Variants in MAPK10 observed in about 807,000 individuals in gnomAD.
MAPK10 encodes JNK3 alpha protein kinase.
MAPK10 carries 25 observed loss-of-function variants against 59.3 expected under a neutral mutation model. The observed-to-expected ratio is 0.42, with a 90% confidence interval of 0.31 to 0.59. The LOEUF (loss-of-function observed/expected upper bound fraction) is 0.59. Among genes scored for constraint, MAPK10 ranks in the 20% least tolerant of loss-of-function variants. The pLI, the probability that MAPK10 is intolerant of heterozygous loss-of-function variation, is 0.15. For synonymous variants in MAPK10, 190 were observed against 200.5 expected, an observed-to-expected ratio of 0.95 and a Z score of 0.44; for missense variants, 351 against 568.9, an observed-to-expected ratio of 0.62 and a Z score of 3.90.
chr4:86,263,007 C>T (rs1050699251), intron 2 of MAPK10, among the ~76,000 whole-genome samples: 4 of 152,176 alleles, frequency 2.6e-5, no homozygotes, highest in African/African-American at 4.8e-5. Context: ...GAAGTATTTA[C>T]TCCTCCAGCT....
chr4:86,285,594 T>C (rs2148809933), intron 2 of MAPK10, among the ~76,000 whole-genome samples: 1 of 152,292 alleles, frequency 6.6e-6, no homozygotes, highest in Non-Finnish European at 1.5e-5. Context: ...AGAGCAATTA[T>C]ATGAGTGTAG....
rs141330111 is a variant in MAPK10 at position 86,272,545 on chromosome 4, G to T, written c.-6-78138C>A. ...CATACATTTATACTCAGTTTTAAGT[G>T]AAAGATTTTTGCCGAGAAACATAAA... On this transcript the variant is annotated intron_variant, in intron 2 of 13. Transcript: ENST00000641462. Among the ~76,000 whole-genome samples, 885 of 152,016 alleles carry T rather than the reference G, an allele frequency of 5.8e-3. 7 individuals carry two copies. The highest frequency in any genetic ancestry group is 0.02 in the African/African-American group (833 of 41,490).
chr4:86,249,433 T>C (rs1025656696), intron 2 of MAPK10, among the ~76,000 whole-genome samples: 3 of 152,132 alleles, frequency 2.0e-5, no homozygotes, highest in African/African-American at 4.8e-5. Flanking sequence ...GCCCACCAAA[T>C]TGTCCCTGTT....
intron 1 of MAPK10, among the ~76,000 whole-genome samples, chr4:86,591,429 A>G (rs112802110): frequency 0.22 from 33,842 of 152,026 alleles, 4,512 homozygotes; most frequent in Admixed American, 0.3. Context: ...GCTGTAGTGC[A>G]GTGGTGGGAT....
chr4:86,240,658 A>C (rs149927450), intron 2 of MAPK10, among the ~76,000 whole-genome samples: 2 of 148,428 alleles, frequency 1.3e-5, no homozygotes, highest in East Asian at 3.9e-4. Context: ...TAGGATTGCA[A>C]CCCGTGCCTT....
chr4:86,034,383 T>C (rs1207950337), intron 11 of MAPK10, among the ~76,000 whole-genome samples: 2 of 152,216 alleles, frequency 1.3e-5, no homozygotes, highest in Non-Finnish European at 2.9e-5. Flanking sequence ...ATGGTTAATT[T>C]CATATGAATT....
In MAPK10 at chr4:86,011,680, T is replaced by G. The variant is rs1741442914; in HGVS notation, c.*5548A>C. On this transcript the variant is annotated 3_prime_UTR_variant, in exon 14 of 14. Coordinates refer to ENST00000641462, the MANE Select transcript of MAPK10 (RefSeq NM_138982.4). ...TATGCTTGACCTTTTTTAAAGAGAG[T>G]AAGGATCTGTGATTTAAACTAGGAT... 1 of 152,100 alleles carries G rather than the reference T, an allele frequency of 6.6e-6. No homozygotes were observed. Among genetic ancestry groups the G allele is most frequent in the South Asian group, 2.1e-4 (1 of 4,828 alleles). 9.4% of individuals were successfully genotyped at this position (152,100 alleles called of 1,614,324 possible).
At chr4:86,333,157 G>A (rs1357147252) in intron 2 of MAPK10, among the ~76,000 whole-genome samples, 1 of 152,044 alleles carries the variant, frequency 6.6e-6, no homozygotes, top group African/African-American at 2.4e-5. Context: ...ATATAATCAA[G>A]TATTACTTTA....
chr4:86,190,459 C>T (rs909376321), intron 3 of MAPK10, among the ~76,000 whole-genome samples: 3 of 152,156 alleles, frequency 2.0e-5, no homozygotes, highest in Non-Finnish European at 2.9e-5. Context: ...TAACTTCTTC[C>T]TGGTTTAGTC....
intron 1 of MAPK10, among the ~76,000 whole-genome samples, chr4:86,563,720 G>T (rs1181338873): frequency 2.0e-5 from 3 of 152,136 alleles, no homozygotes; most frequent in Non-Finnish European, 1.5e-5. Context: ...TAATGGGAGG[G>T]TAATATATAC....
In MAPK10 at chr4:86,014,481, T is replaced by C. The variant is rs1192853975; in HGVS notation, c.*2747A>G. 6.6e-6 allele frequency: 1 copy of C among 152,178 alleles called. No homozygotes were observed. The highest frequency in any genetic ancestry group is 1.9e-4 in the East Asian group (1 of 5,198). 9.4% of individuals were successfully genotyped at this position (152,178 alleles called of 1,614,324 possible). A position where few individuals can be genotyped will look rare whatever the true frequency, so the allele number is the denominator to read the frequency against. The stretch of plus-strand genomic sequence containing the variant: ...CTTTTACAGTGGTGATTCTCTTTGT[T>C]GTTCCATCATCTGCCTTGCTTTAAT... On this transcript the variant is annotated 3_prime_UTR_variant, in exon 14 of 14. Coordinates refer to ENST00000641462, the MANE Select transcript of MAPK10 (RefSeq NM_138982.4).
At chr4:86,256,536 A>AT (rs1464079897) in intron 2 of MAPK10, among the ~76,000 whole-genome samples, 3 of 152,112 alleles carry the variant, frequency 2.0e-5, no homozygotes, top group Non-Finnish European at 4.4e-5. Flanking sequence ...TGGGAATAAG[A>AT]TATATATCTC....
intron 4 of MAPK10, among the ~76,000 whole-genome samples, chr4:86,146,108 G>C (rs2064940909): frequency 6.6e-6 from 1 of 152,236 alleles, no homozygotes; most frequent in Admixed American, 6.5e-5. Context: ...TTTAGCAAGA[G>C]CAGTTTCAAC....
chr4:86,135,655 T>A (rs1237426424), intron 4 of MAPK10, among the ~76,000 whole-genome samples: 1 of 152,152 alleles, frequency 6.6e-6, no homozygotes. Flanking sequence ...GGAACTCAGT[T>A]CCTCACCAGC....
In MAPK10 at chr4:86,241,317, G is replaced by T. The variant is rs924580151; in HGVS notation, c.-6-46910C>A. ...GAGAATCTGATGATTATGTGTCTTG[G>T]GGTTGATCTTCTCGTGGGGTATCTT... is the stretch of plus-strand genomic sequence containing the variant. On this transcript the variant is annotated intron_variant, in intron 2 of 13. Coordinates refer to ENST00000641462, the MANE Select transcript of MAPK10 (RefSeq NM_138982.4). Among the ~76,000 whole-genome samples the T allele has an allele frequency of 2.6e-5, 4 of 151,944 alleles. No homozygotes were observed. In the South Asian group the frequency reaches 8.3e-4, roughly 31 times the overall value.
chr4:86,049,248 T>A (rs17008675), intron 11 of MAPK10, among the ~76,000 whole-genome samples: 30,470 of 151,920 alleles, frequency 0.2, 3,626 homozygotes, highest in African/African-American at 0.31. Context: ...AATGAGTTGA[T>A]GACTGTCTCT....
Position 86,055,742 on chromosome 4 carries a change from CCTT to C in MAPK10, c.1110+8521_1110+8523del, listed in dbSNP as rs750479152. Among the ~76,000 whole-genome samples, 22 of 149,498 alleles carry C rather than the reference CCTT, an allele frequency of 1.5e-4. 1 individual carries two copies. In the South Asian group the frequency reaches 1.7e-3, roughly 11 times the overall value. On this transcript the variant is annotated intron_variant, in intron 11 of 13. Coordinates refer to ENST00000641462, the MANE Select transcript of MAPK10 (RefSeq NM_138982.4). Reference sequence around the variant, plus strand: ...ATTATTTTAGTGAAATGAAGTTTTTCCTTCTTAATAAAAATTTTCAAATTTCTA... The same window carrying C: ...ATTATTTTAGTGAAATGAAGTTTTTCCTTAATAAAAATTTTCAAATTTCTA...
intron 12 of MAPK10, 48 bp from the exon 13 acceptor site, chr4:86,029,322 C>A (rs367688906): frequency 8.3e-7 from 1 of 1,199,054 alleles, no homozygotes; most frequent in South Asian, 1.2e-5. Flanking sequence ...TATCCTTCAT[C>A]CACAGGGAAA....
chr4:86,546,544 C>T (rs1240655322), intron 1 of MAPK10, among the ~76,000 whole-genome samples: 2 of 134,128 alleles, frequency 1.5e-5, no homozygotes, highest in African/African-American at 2.8e-5. Context: ...GGGACAAGAG[C>T]GAAACTCCTT....
Sources: gnomAD v4.1 joint callset for allele counts (sites outside exome capture counted in the v4.1 genomes callset) on GRCh38, gnomAD v4.1.1 for gene constraint, MANE v1.5 for transcripts, NCBI Gene and HGNC (gene_info 2026-07-23, HGNC 2026-07-21) for gene names.